TPO: variants seen among roughly 807,000 people sequenced by gnomAD.
The protein encoded by TPO is thyroid peroxidase.
In TPO, 78 loss-of-function variants were observed where a neutral mutation model predicts 96.9. The observed-to-expected ratio is 0.81, with a 90% confidence interval of 0.67 to 0.97. The LOEUF is 0.97. TPO is among the 50% of genes least tolerant of loss of function. The pLI, the probability that TPO is intolerant of heterozygous loss-of-function variation, is 0.00. For synonymous variants in TPO, 547 were observed against 538.0 expected (o/e 1.02, Z -0.23); for missense variants, 1,252 against 1,274.8 (o/e 0.98, Z 0.27).
intron 6 of TPO, among the ~76,000 whole-genome samples, chr2:1,455,193 G>A (rs1360139229): frequency 1.3e-5 from 2 of 152,194 alleles, no homozygotes; most frequent in Non-Finnish European, 2.9e-5. Context: ...TTGGACACTC[G>A]TGGAGACCCA....
Position 1,496,182 on chromosome 2 carries a change from G to A in TPO, c.2200G>A (p.Glu734Lys), listed in dbSNP as rs868428082. ...ITGMNLEAWRETFPQDDKCGF... is the reference protein window; with the variant it reads ...ITGMNLEAWRKTFPQDDKCGF... ...TGGCATGAACCTGGAGGCCTGGAGG[G>A]AAACCTTTCCTCAAGGTGAAGTTCG... Residue 734 changes from glutamate (E) to lysine (K), a missense_variant, in exon 12 of 17, where the codon GAA becomes AAA. Physicochemically the swap from Glu to Lys is moderately conservative, Grantham distance 56. Coordinates refer to ENST00000329066, the MANE Select transcript of TPO (RefSeq NM_001206744.2). 1.2e-6 allele frequency: 2 copies of A among 1,613,968 alleles called. No individual in the cohort carries two copies. The highest frequency in any genetic ancestry group is 1.7e-5 in the Admixed American group (1 of 60,010).
intron 1 of TPO, among the ~76,000 whole-genome samples, chr2:1,397,400 G>C (rs1276149291): frequency 1.3e-5 from 2 of 152,182 alleles, no homozygotes; most frequent in Non-Finnish European, 2.9e-5. Context: ...AGTGCCCTGA[G>C]TGCCTGCAGA....
chr2:1,408,610 G>T (rs945156212), upstream of TPO, among the ~76,000 whole-genome samples: 1 of 152,204 alleles, frequency 6.6e-6, no homozygotes, highest in Non-Finnish European at 1.5e-5. Context: ...GAGTGGGTGG[G>T]CACGTGCAGT....
rs572480725 is a variant in TPO at position 1,534,512 on chromosome 2, C to T, written c.2619-6082C>T. On this transcript the variant is annotated intron_variant, in intron 15 of 16. Transcript: ENST00000329066. Reference sequence around the variant, plus strand: ...AAACCCCCCACGCAGTGTGCAACTTCCCCAAATCCCTCCCACTCTGTGCAA... The same window carrying T: ...AAACCCCCCACGCAGTGTGCAACTTTCCCAAATCCCTCCCACTCTGTGCAA... Among the ~76,000 whole-genome samples, 95 of 96,076 alleles carry T rather than the reference C, an allele frequency of 9.9e-4. 9 individuals carry two copies. Among genetic ancestry groups the T allele is most frequent in the African/African-American group, 3.1e-3 (85 of 27,418 alleles). 63.0% of individuals were successfully genotyped at this position (96,076 alleles called of 152,430 possible).
intron 15 of TPO, among the ~76,000 whole-genome samples, chr2:1,527,068 TC>T (rs1676728335): frequency 3.7e-5 from 1 of 26,670 alleles, no homozygotes; most frequent in African/African-American, 1.7e-4. Context: ...TCAAATCCCC[TC>T]ACTGTGTGCC....
intron 3 of TPO, among the ~76,000 whole-genome samples, chr2:1,432,662 C>T (rs577930014): frequency 5.4e-5 from 4 of 74,258 alleles, no homozygotes; most frequent in African/African-American, 2.4e-4. Context: ...GAGAGGCCTG[C>T]AGGTGGGGTG....
chr2:1,530,348 AGTGTGTG>A, intron 15 of TPO, among the ~76,000 whole-genome samples: 3 of 126,600 alleles, frequency 2.4e-5, no homozygotes, highest in African/African-American at 9.2e-5. Context: ...AATCCCCCCA[AGTGTGTG>A]CAACGTCCCC....
At chr2:1,436,706 C>T (rs188000033) in intron 5 of TPO, among the ~76,000 whole-genome samples, 95 of 152,322 alleles carry the variant, frequency 6.2e-4, no homozygotes, top group African/African-American at 1.6e-3. Context: ...TCCTTGATTT[C>T]GCTAGCTCCG....
chr2:1,409,798 A>G (rs912681961), upstream of TPO, among the ~76,000 whole-genome samples: 3 of 145,680 alleles, frequency 2.1e-5, no homozygotes, highest in African/African-American at 8.4e-5. Context: ...GTGCGCGCAC[A>G]CACACACACA....
rs1680892657 is a variant in TPO, at chr2:1,542,631, A to AATAAATGTTAT, written c.*159_*169dup. The stretch of plus-strand genomic sequence containing the variant: ...TCGTAGTTACTCTCAGGCATGGATG[A>AATAAATGTTAT]ATAAATGTTATAGCTGCATTTGTCT... On this transcript the variant is annotated 3_prime_UTR_variant, in exon 17 of 17. Coordinates refer to ENST00000329066, the MANE Select transcript of TPO (RefSeq NM_001206744.2). The AATAAATGTTAT allele has an allele frequency of 1.9e-6, 3 of 1,547,784 alleles. No homozygotes were observed. Among genetic ancestry groups the AATAAATGTTAT allele is most frequent in the Non-Finnish European group, 2.6e-6 (3 of 1,143,934 alleles).
At chr2:1,422,461 C>A (rs904345394) in intron 2 of TPO, among the ~76,000 whole-genome samples, 1 of 79,324 alleles carries the variant, frequency 1.3e-5, no homozygotes, top group Non-Finnish European at 2.5e-5. Flanking sequence ...GGAGCCAATT[C>A]ATTCCTTTGG....
intron 1 of TPO, among the ~76,000 whole-genome samples, chr2:1,377,742 G>A (rs1034690764): frequency 6.6e-6 from 1 of 152,172 alleles, no homozygotes; most frequent in Non-Finnish European, 1.5e-5. Flanking sequence ...CGGCTGGCAG[G>A]GTGAGCTGCA....
chr2:1,389,273 G>T (rs757806287), intron 1 of TPO, among the ~76,000 whole-genome samples: 1 of 152,108 alleles, frequency 6.6e-6, no homozygotes. Flanking sequence ...AGTTCTTGTC[G>T]TGGCCAAGTC....
intron 2 of TPO, among the ~76,000 whole-genome samples, chr2:1,421,866 C>T (rs1663574190): frequency 6.6e-6 from 1 of 152,204 alleles, no homozygotes; most frequent in Non-Finnish European, 1.5e-5. Context: ...ATTGCACTGT[C>T]CCCAGCACGC....
Position 1,442,080 on chromosome 2 carries a change from C to T in TPO, c.482+5696C>T, listed in dbSNP as rs184558358. The stretch of plus-strand genomic sequence containing the variant: ...AAGCTCTCTTTCTGCCTGCCGCCAT[C>T]CATGTAAGACATGACCTGCTCCTCC... On this transcript the variant is annotated intron_variant, in intron 5 of 16. Transcript: ENST00000329066. Among the ~76,000 whole-genome samples the T allele has an allele frequency of 2.9e-3, 443 of 152,320 alleles. 1 individual carries two copies. The highest frequency in any genetic ancestry group is 5.2e-3 in the Admixed American group (80 of 15,304).
chr2:1,466,830 G>C (rs1303276925), intron 7 of TPO, among the ~76,000 whole-genome samples: 1 of 152,064 alleles, frequency 6.6e-6, no homozygotes, highest in African/African-American at 2.4e-5. Flanking sequence ...CAAAGAACCA[G>C]GTTTTTGTTT....
intron 1 of TPO, among the ~76,000 whole-genome samples, chr2:1,390,004 T>A (rs1265473853): frequency 1.3e-5 from 2 of 150,922 alleles, no homozygotes; most frequent in East Asian, 2.0e-4. Flanking sequence ...GGTTAAGTGG[T>A]TATTTCTTTC....
chr2:1,504,141 G>A, intron 14 of TPO, 62 bp downstream of exon 14: 4 of 1,607,638 alleles, frequency 2.5e-6, no homozygotes, highest in Admixed American at 1.7e-5. Context: ...ATGAAGAAAA[G>A]TGTGTTCAAG....
chr2:1,384,550 C>T (rs367734193), intron 1 of TPO, among the ~76,000 whole-genome samples: 11 of 152,090 alleles, frequency 7.2e-5, no homozygotes, highest in East Asian at 3.9e-4. Context: ...GTGATTTTTG[C>T]ACATTGATTT....
Sources: gnomAD v4.1 joint callset for allele counts (sites outside exome capture counted in the v4.1 genomes callset) on GRCh38, gnomAD v4.1.1 for gene constraint, MANE v1.5 for transcripts, NCBI Gene and HGNC (gene_info 2026-07-23, HGNC 2026-07-21) for gene names.